The following ANKS1B variants were observed in gnomAD, a reference collection of about 807,000 sequenced individuals.
ANKS1B encodes the protein ankyrin repeat and sterile alpha motif domain-containing protein 1B.
ANKS1B carries 36 observed loss-of-function variants against 148.3 expected under a neutral mutation model. That is an observed-to-expected ratio of 0.24 (90% CI 0.19 to 0.32). ANKS1B has a LOEUF of 0.32. Ranked by LOEUF, ANKS1B falls within the 10% of genes least tolerant of loss-of-function variation. ANKS1B has a pLI of 1.00. For missense variants in ANKS1B, 1,157 were observed against 1,542.6 expected (o/e 0.75, Z 4.19); for synonymous variants, 542 against 560.8 (o/e 0.97, Z 0.47).
chr12:99,875,810 C>T (rs2091987728), intron 1 of ANKS1B, among the ~76,000 whole-genome samples: 1 of 152,174 alleles, frequency 6.6e-6, no homozygotes, highest in Admixed American at 6.5e-5. Context: ...CACTGAGAAA[C>T]AATGCTGAAT....
In ANKS1B at chr12:98,744,880, G is replaced by A. The variant is rs1299734473; in HGVS notation, c.*859C>T. The stretch of plus-strand genomic sequence containing the variant: ...GGCTGATGGCTGCGTCAGCACTTCC[G>A]GGCCTCCTGCTCTAGGGAGCATCAC... On this transcript the variant is annotated 3_prime_UTR_variant, in exon 27 of 27. Coordinates refer to ENST00000683438, the MANE Select transcript of ANKS1B (RefSeq NM_001352186.2). The A allele has an allele frequency of 2.2e-5, 22 of 985,270 alleles. No individual in the cohort carries two copies. Among genetic ancestry groups the A allele is most frequent in the Admixed American group, 6.2e-5 (1 of 16,218 alleles). 61.0% of individuals were successfully genotyped at this position (985,270 alleles called of 1,614,324 possible).
intron 16 of ANKS1B, chr12:99,079,739 G>A (rs1412477160): frequency 1.3e-5 from 2 of 152,202 alleles, no homozygotes; most frequent in African/African-American, 4.8e-5. Context: ...GAATCCTTGA[G>A]CTTGCCTTGC....
chr12:99,923,492 T>C (rs891240865), intron 1 of ANKS1B, among the ~76,000 whole-genome samples: 5 of 152,146 alleles, frequency 3.3e-5, no homozygotes, highest in Non-Finnish European at 7.4e-5. Flanking sequence ...AATAAGATCA[T>C]GACCAGATCT....
chr12:99,540,708 TAA>T (rs559605233), intron 9 of ANKS1B, among the ~76,000 whole-genome samples: 109 of 151,936 alleles, frequency 7.2e-4, no homozygotes, highest in African/African-American at 2.5e-3. Flanking sequence ...TAAAAAGACA[TAA>T]GTCAATTATA....
At chr12:99,002,748 C>G (rs1215650936) in intron 17 of ANKS1B, among the ~76,000 whole-genome samples, 1 of 152,158 alleles carries the variant, frequency 6.6e-6, no homozygotes, top group African/African-American at 2.4e-5. Context: ...AACCCCTTCT[C>G]CATTACATAG....
rs766813244 is a variant in ANKS1B, at chr12:98,773,152, T to C, written c.3469A>G (p.Asn1157Asp). 6.2e-7 allele frequency: 1 copy of C among 1,609,654 alleles called. No homozygotes were observed. The highest frequency in any genetic ancestry group is 1.7e-5 in the Admixed American group (1 of 58,908). ...GGGTCCTGGGCAGCACAGGAGATAT[T>C]ACGAATTTCATGCTCAGCAATTATG... ...KNIIAEHEIRNISCAAQDPED... is the reference protein window; with the variant it reads ...KNIIAEHEIRDISCAAQDPED... The change falls in exon 25 of 27, where the codon AAT (asparagine) becomes GAT (aspartate). Residue 1157 changes from asparagine (N) to aspartate (D), a missense_variant. Asn to Asp is a conservative substitution (Grantham distance 23, BLOSUM62 1). Coordinates refer to ENST00000683438, the MANE Select transcript of ANKS1B (RefSeq NM_001352186.2).
intron 15 of ANKS1B, among the ~76,000 whole-genome samples, chr12:99,141,587 C>T (rs1446237907): frequency 6.6e-6 from 1 of 151,832 alleles, no homozygotes; most frequent in African/African-American, 2.4e-5. Context: ...CCCCAACCCC[C>T]ACCCCTGATA....
At chr12:99,688,973 T>C (rs549319777) in intron 8 of ANKS1B, among the ~76,000 whole-genome samples, 1 of 152,262 alleles carries the variant, frequency 6.6e-6, no homozygotes, top group East Asian at 1.9e-4. Context: ...ATAAAAAAAT[T>C]ACCTATGTGA....
chr12:99,085,183 C>G, intron 15 of ANKS1B, 160 bp from the exon 16 acceptor site: 1 of 631,222 alleles, frequency 1.6e-6, no homozygotes, highest in Non-Finnish European at 2.8e-6. Flanking sequence ...AGTCGGTCAC[C>G]TTGTTACTGA....
chr12:99,247,437 C>CA (rs1225947519), intron 12 of ANKS1B, among the ~76,000 whole-genome samples: 3 of 151,718 alleles, frequency 2.0e-5, no homozygotes, highest in East Asian at 1.9e-4. Context: ...ATAATTTAGA[C>CA]AAAAAAAATT....
chr12:99,509,709 C>G (rs1214923393), intron 9 of ANKS1B, among the ~76,000 whole-genome samples: 5 of 151,938 alleles, frequency 3.3e-5, no homozygotes. Flanking sequence ...AACAAGTTAT[C>G]CAGAAGATCC....
chr12:98,845,981 C>T (rs10860375), intron 17 of ANKS1B, among the ~76,000 whole-genome samples: 1,056 of 22,202 alleles, frequency 0.048, 12 homozygotes, highest in East Asian at 0.15. Context: ...TATATATATA[C>T]ACACACACAC....
At chr12:99,275,086 G>C (rs1049314300) in intron 12 of ANKS1B, among the ~76,000 whole-genome samples, 1 of 152,112 alleles carries the variant, frequency 6.6e-6, no homozygotes, top group Non-Finnish European at 1.5e-5. Context: ...GTAGGTGTAT[G>C]TATTAATGGA....
chr12:98,777,760 C>A (rs1185856649), intron 24 of ANKS1B, among the ~76,000 whole-genome samples: 1 of 152,178 alleles, frequency 6.6e-6, no homozygotes, highest in Admixed American at 6.5e-5. Flanking sequence ...ATAACTAGGC[C>A]TCTAACCCTT....
chr12:98,749,266 C>CTTTTTT, intron 26 of ANKS1B, among the ~76,000 whole-genome samples: 1 of 143,882 alleles, frequency 7.0e-6, no homozygotes. Context: ...GCCCAGCTAA[C>CTTTTTT]TTTTTTTTTT....
chr12:99,327,633 C>T (rs985974511), intron 12 of ANKS1B, among the ~76,000 whole-genome samples: 4 of 149,224 alleles, frequency 2.7e-5, no homozygotes, highest in African/African-American at 7.4e-5. Context: ...TGTATCCCCC[C>T]CATATATATA....
intron 17 of ANKS1B, among the ~76,000 whole-genome samples, chr12:98,888,998 A>C (rs1345722827): frequency 2.6e-5 from 4 of 152,218 alleles, no homozygotes; most frequent in African/African-American, 9.6e-5. Context: ...TTCTCCACTC[A>C]ATGGATACAC....
chr12:99,849,143 A>G (rs973964756), intron 1 of ANKS1B, among the ~76,000 whole-genome samples: 6 of 152,186 alleles, frequency 3.9e-5, no homozygotes, highest in African/African-American at 1.2e-4. Flanking sequence ...CCTCAGAATC[A>G]TGCAATATAT....
At chr12:99,930,120 C>T (rs1226898705) in intron 1 of ANKS1B, among the ~76,000 whole-genome samples, 15 of 151,838 alleles carry the variant, frequency 9.9e-5, no homozygotes, top group Non-Finnish European at 1.8e-4. Context: ...TTGATTCTTC[C>T]TACCCATGAG....
Sources: allele counts gnomAD v4.1 joint callset (sites outside exome capture counted in the v4.1 genomes callset), GRCh38; gene constraint gnomAD v4.1.1; transcripts MANE v1.5; gene names NCBI Gene and HGNC (gene_info 2026-07-23, HGNC 2026-07-21).